VPS13B: variants seen among roughly 807,000 people sequenced by gnomAD.
The protein encoded by VPS13B is intermembrane lipid transfer protein VPS13B.
A neutral mutation model predicts 426.4 loss-of-function variants in VPS13B; 285 were observed. That is an observed-to-expected ratio of 0.67 (90% confidence interval 0.61 to 0.74). VPS13B has a LOEUF of 0.74. Ranked by LOEUF, VPS13B falls within the 30% of genes least tolerant of loss-of-function variation. The pLI, the probability that VPS13B is intolerant of heterozygous loss-of-function variation, is 0.00. For missense variants in VPS13B, 4,537 were observed against 4,782.6 expected (o/e 0.95, Z 1.51); for synonymous variants, 1,676 against 1,676.4 (o/e 1.00, Z 0.01).
At chr8:99,752,511 CAG>C (rs1563899919) in intron 39 of VPS13B, among the ~76,000 whole-genome samples, 1 of 152,192 alleles carries the variant, frequency 6.6e-6, no homozygotes, top group Non-Finnish European at 1.5e-5. Flanking sequence ...GTAGTTGCAA[CAG>C]AGACCACGTG....
At chr8:99,653,256 A>G (rs1250515136) in intron 34 of VPS13B, among the ~76,000 whole-genome samples, 4 of 152,176 alleles carry the variant, frequency 2.6e-5, no homozygotes, top group African/African-American at 4.8e-5. Context: ...TAAAAGGGAA[A>G]CTTTCATTTT....
At chr8:99,069,292 G>C (rs1844725530) in intron 3 of VPS13B, among the ~76,000 whole-genome samples, 1 of 152,090 alleles carries the variant, frequency 6.6e-6, no homozygotes, top group Admixed American at 6.6e-5. Context: ...AAATTAGCTG[G>C]ACTTGGTGGC....
Position 99,517,848 on chromosome 8 carries a change from A to AT in VPS13B, c.4634-3042dup, listed in dbSNP as rs1310068563. Among the ~76,000 whole-genome samples, 31 of 151,214 alleles carry AT rather than the reference A, an allele frequency of 2.1e-4. 1 individual carries two copies. Among genetic ancestry groups the AT allele is most frequent in the South Asian group, 4.2e-4 (2 of 4,766 alleles). On this transcript the variant is annotated intron_variant, in intron 29 of 61. Coordinates refer to ENST00000357162, the MANE Select transcript of VPS13B (RefSeq NM_152564.5). ...GAAATAACCCAAAAAAGAGAAGCTG[A>AT]TTTTTTTTTGCGGTGATAAAGTAAC...
intron 19 of VPS13B, among the ~76,000 whole-genome samples, chr8:99,318,129 T>C (rs1032190820): frequency 1.1e-4 from 17 of 152,202 alleles, no homozygotes; most frequent in African/African-American, 4.1e-4. Context: ...TTAAGCATTC[T>C]TTTTGAATTT....
In VPS13B at chr8:99,481,686, T is replaced by A. The variant is rs1820046182; in HGVS notation, c.3754T>A (p.Ser1252Thr). The change falls in exon 25 of 62, where the codon TCT becomes ACT. Residue 1252 changes from serine (S) to threonine (T), a missense_variant. Transcript: ENST00000357162. ...AGGCAATCTCAACCTATCTCCAACCTCTCCAGAGACCATGGCAGGGCCTGT... is the reference window on the plus strand; with the variant it reads ...AGGCAATCTCAACCTATCTCCAACCACTCCAGAGACCATGGCAGGGCCTGT... ...KRGNLNLSPTSPETMAGPVPT... is the reference protein window; with the variant it reads ...KRGNLNLSPTTPETMAGPVPT... 6.2e-7 allele frequency: 1 copy of A among 1,613,856 alleles called. No individual in the cohort carries two copies. The highest frequency in any genetic ancestry group is 1.3e-5 in the African/African-American group (1 of 74,902).
intron 19 of VPS13B, among the ~76,000 whole-genome samples, chr8:99,305,069 T>C (rs1180029088): frequency 6.6e-6 from 1 of 152,162 alleles, no homozygotes; most frequent in African/African-American, 2.4e-5. Context: ...CTAATTTTCT[T>C]CTTCTCTTAC....
intron 3 of VPS13B, among the ~76,000 whole-genome samples, chr8:99,061,301 T>C (rs1433344527): frequency 2.7e-5 from 4 of 149,446 alleles, no homozygotes; most frequent in African/African-American, 7.4e-5. Flanking sequence ...ATTTTCTTTT[T>C]TTTTTTTTTT....
At chr8:99,696,615 G>A in intron 35 of VPS13B, 1 of 654,650 alleles carries the variant, frequency 1.5e-6, no homozygotes, top group East Asian at 3.1e-5. Flanking sequence ...GAGCCTGAAG[G>A]AGCTTCGGGT....
intron 17 of VPS13B, among the ~76,000 whole-genome samples, chr8:99,260,951 A>G (rs1480334139): frequency 6.6e-6 from 1 of 152,062 alleles, no homozygotes; most frequent in Non-Finnish European, 1.5e-5. Context: ...TTTTTTAAAA[A>G]AAAACTTAAT....
intron 56 of VPS13B, 74 bp downstream of exon 56, chr8:99,854,330 A>G: frequency 6.6e-7 from 1 of 1,514,014 alleles, no homozygotes; most frequent in Non-Finnish European, 9.0e-7. Context: ...GTAGCACCTC[A>G]TTTCAAGACC....
At chr8:99,266,308 A>G (rs961207880) in intron 17 of VPS13B, among the ~76,000 whole-genome samples, 2 of 152,022 alleles carry the variant, frequency 1.3e-5, no homozygotes, top group Non-Finnish European at 2.9e-5. Context: ...GCTACCCAGG[A>G]GGCTGAGATG....
chr8:99,736,313 C>T (rs1486370146), intron 39 of VPS13B, among the ~76,000 whole-genome samples: 1 of 152,092 alleles, frequency 6.6e-6, no homozygotes, highest in South Asian at 2.1e-4. Flanking sequence ...TGGCTCTCGC[C>T]TGTAATCTCA....
intron 21 of VPS13B, among the ~76,000 whole-genome samples, chr8:99,399,506 T>A (rs987848490): frequency 7.2e-5 from 11 of 152,212 alleles, no homozygotes; most frequent in African/African-American, 2.7e-4. Context: ...TCTGTTTTTT[T>A]AATGTTTCAT....
intron 44 of VPS13B, 81 bp downstream of exon 44, chr8:99,809,611 A>T (rs540083833): frequency 1.9e-5 from 29 of 1,557,704 alleles, no homozygotes; most frequent in South Asian, 5.7e-5. Flanking sequence ...TAATTTTTTT[A>T]AAATCACAGT....
chr8:99,718,510 A>T (rs867835061), intron 37 of VPS13B, among the ~76,000 whole-genome samples: 1 of 152,148 alleles, frequency 6.6e-6, no homozygotes, highest in African/African-American at 2.4e-5. Context: ...TTTCTTGATT[A>T]TTTTGTATTT....
intron 30 of VPS13B, among the ~76,000 whole-genome samples, chr8:99,552,415 A>G (rs902329808): frequency 3.3e-5 from 5 of 151,884 alleles, no homozygotes; most frequent in Non-Finnish European, 7.4e-5. Flanking sequence ...TTGCCTTTAC[A>G]TGTCATCTGG....
intron 35 of VPS13B, among the ~76,000 whole-genome samples, chr8:99,698,904 T>G (rs1832147788): frequency 6.6e-6 from 1 of 152,142 alleles, no homozygotes; most frequent in Admixed American, 6.5e-5. Flanking sequence ...GACTACAGAT[T>G]TAAAGAAATC....
chr8:99,221,575 A>C (rs1256522416), intron 17 of VPS13B, among the ~76,000 whole-genome samples: 1 of 152,154 alleles, frequency 6.6e-6, no homozygotes, highest in Non-Finnish European at 1.5e-5. Context: ...CATACATCTA[A>C]ATGACTATTG....
At chr8:99,349,043 G>C (rs1811708322) in intron 19 of VPS13B, among the ~76,000 whole-genome samples, 1 of 151,832 alleles carries the variant, frequency 6.6e-6, no homozygotes, top group Non-Finnish European at 1.5e-5. Flanking sequence ...TTTTATATTT[G>C]AAAATAGCGG....
Sources: allele counts gnomAD v4.1 joint callset (sites outside exome capture counted in the v4.1 genomes callset), GRCh38; gene constraint gnomAD v4.1.1; transcripts MANE v1.5; gene names NCBI Gene and HGNC (gene_info 2026-07-23, HGNC 2026-07-21).